AKAP8: variants seen among roughly 807,000 people sequenced by gnomAD.
AKAP8 encodes the protein A-kinase anchoring protein 8.
In AKAP8, 24 loss-of-function variants were observed where a neutral mutation model predicts 67.5. The observed-to-expected ratio is 0.36, with a 90% CI of 0.26 to 0.50. The LOEUF is 0.50. AKAP8 is among the 20% of genes least tolerant of loss of function. The pLI is 0.97. For synonymous variants in AKAP8, 400 were observed against 371.1 expected (o/e 1.08, Z -0.90); for missense variants, 971 against 955.9 (o/e 1.02, Z -0.21).
At chr19:15,368,121 A>G in intron 9 of AKAP8, 114 bp downstream of exon 9, 1 of 1,397,278 alleles carries the variant, frequency 7.2e-7, no homozygotes, top group South Asian at 1.3e-5. Context: ...TGGTTTGGCC[A>G]GAGGAGTCAG....
chr19:15,362,160 G>C lies in AKAP8; in HGVS notation c.1252C>G (p.Leu418Val), dbSNP rs753707156. 5.6e-6 allele frequency: 9 copies of C among 1,614,004 alleles called. No individual in the cohort carries two copies. The East Asian group carries it at 2.0e-4, about 36-fold the overall frequency. ...GGCAGCTTGGTGCTTATGAACCGCA[G>C]GGTCTCTTTGTGAAATTTGCTTTGC... Reference protein sequence around the residue: ...HLQSKFHKETLRFISTKLPDK... With the variant: ...HLQSKFHKETVRFISTKLPDK... The change falls in exon 10 of 14, where the codon CTG becomes GTG. Residue 418 changes from leucine to valine, a missense_variant. Physicochemically the swap from Leu to Val is conservative, Grantham distance 32. Around this residue, in one of 3 missense-constraint regions of AKAP8, gnomAD observed 763 missense variants for 745.4 expected, o/e 1.02. Coordinates refer to ENST00000269701, the MANE Select transcript of AKAP8 (RefSeq NM_005858.4).
At chr19:15,368,358 G>T (rs753186803) in intron 8 of AKAP8, 36 bp from the exon 9 acceptor site, 1 of 1,612,346 alleles carries the variant, frequency 6.2e-7, no homozygotes, top group Non-Finnish European at 8.5e-7. Context: ...CGCTCTGAGT[G>T]GCCTGCAAAG....
At chr19:15,373,461 C>T (rs2145084136) in intron 4 of AKAP8, 121 bp from the exon 5 acceptor site, 2 of 1,422,508 alleles carry the variant, frequency 1.4e-6, no homozygotes, top group East Asian at 2.5e-5. Context: ...TGCATCCCAC[C>T]TAAGTGCTGG....
intron 9 of AKAP8, among the ~76,000 whole-genome samples, chr19:15,362,529 C>T (rs1199207764): frequency 5.9e-5 from 9 of 152,056 alleles, no homozygotes; most frequent in African/African-American, 1.7e-4. Context: ...GACTGGTTTT[C>T]GTATTTTTTT....
In AKAP8 at chr19:15,354,596, C is replaced by A; in HGVS notation, c.*319G>T. ...AAAAATAAAAAAGGAAGCATTCCATCAGTGGCTGTATTGAACAAGTAATGT... is the reference window on the plus strand; with the variant it reads ...AAAAATAAAAAAGGAAGCATTCCATAAGTGGCTGTATTGAACAAGTAATGT... On this transcript the variant is annotated 3_prime_UTR_variant, in exon 14 of 14. Coordinates refer to ENST00000269701, the MANE Select transcript of AKAP8 (RefSeq NM_005858.4). The A allele has an allele frequency of 3.3e-6, 1 of 306,978 alleles. No homozygotes were observed. The highest frequency in any genetic ancestry group is 6.0e-6 in the Non-Finnish European group (1 of 166,294). 19.0% of individuals were successfully genotyped at this position (306,978 alleles called of 1,614,324 possible).
rs1026858514 is a variant in AKAP8, at chr19:15,379,778, G to A, written c.-47C>T. 31 of 1,609,002 alleles carry A rather than the reference G, an allele frequency of 1.9e-5. No homozygotes were observed. The highest frequency in any genetic ancestry group is 2.6e-5 in the Non-Finnish European group (31 of 1,178,286). On this transcript the variant is annotated 5_prime_UTR_variant, in exon 1 of 14. Transcript: ENST00000269701. ...CAGCCCCGTTTACTAGGCGACCACA[G>A]CACGCATGCGTTCAGCGCACCTCCG...
intron 9 of AKAP8, among the ~76,000 whole-genome samples, chr19:15,363,232 G>T (rs1227157249): frequency 1.3e-5 from 2 of 150,550 alleles, no homozygotes; most frequent in African/African-American, 2.4e-5. Flanking sequence ...GAGGTGGGGG[G>T]ATCAGCCCCC....
At chr19:15,356,233 T>TCTTTTCTTTTTTTGAGACGG (rs2048277518) in intron 13 of AKAP8, among the ~76,000 whole-genome samples, 1 of 150,226 alleles carries the variant, frequency 6.7e-6, no homozygotes, top group South Asian at 2.1e-4. Context: ...ACCCCATCTC[T>TCTTTTCTTTTTTTGAGACGG]ACTAAAAATA....
intron 13 of AKAP8, among the ~76,000 whole-genome samples, 191 bp from the exon 14 acceptor site, chr19:15,355,561 AT>A (rs34848051): frequency 0.59 from 86,645 of 147,218 alleles, 25,441 homozygotes; most frequent in East Asian, 0.86. Context: ...ATATTCTGCA[AT>A]TTTTTTTTTT....
Position 15,379,783 on chromosome 19 carries a change from C to G in AKAP8, c.-52G>C, listed in dbSNP as rs370823822. On this transcript the variant is annotated 5_prime_UTR_variant, in exon 1 of 14. An upstream start codon of the reference 5' UTR is lost. Coordinates refer to ENST00000269701, the MANE Select transcript of AKAP8 (RefSeq NM_005858.4). ...CCGTTTACTAGGCGACCACAGCACGCATGCGTTCAGCGCACCTCCGCCATC... is the reference window on the plus strand; with the variant it reads ...CCGTTTACTAGGCGACCACAGCACGGATGCGTTCAGCGCACCTCCGCCATC... 2 of 1,608,510 alleles carry G rather than the reference C, an allele frequency of 1.2e-6. No individual in the cohort carries two copies. Among genetic ancestry groups the G allele is most frequent in the Non-Finnish European group, 8.5e-7 (1 of 1,178,236 alleles).
At chr19:15,359,492 T>A (rs535882812) in intron 12 of AKAP8, among the ~76,000 whole-genome samples, 1 of 151,904 alleles carries the variant, frequency 6.6e-6, no homozygotes, top group East Asian at 2.0e-4. Context: ...GGCTGAGGCA[T>A]GTGGATCACT....
In AKAP8 at chr19:15,354,757, G is replaced by A. The variant is rs757665293; in HGVS notation, c.*158C>T. On this transcript the variant is annotated 3_prime_UTR_variant, in exon 14 of 14. Transcript: ENST00000269701. ...GCCACACGACTGCATGAGACAAGCC[G>A]TGAGAGGCACTGCTCAGGAGGAAAC... 1.9e-5 allele frequency: 15 copies of A among 786,176 alleles called. No individual in the cohort carries two copies. Among genetic ancestry groups the A allele is most frequent in the South Asian group, 1.1e-4 (6 of 55,626 alleles). The allele number at this position is 786,176 out of a possible 1,614,324, so 48.7% of individuals were successfully genotyped here. A position where few individuals can be genotyped will look rare whatever the true frequency, so the allele number is the denominator to read the frequency against.
chr19:15,359,282 AC>A (rs1354815487), intron 12 of AKAP8, among the ~76,000 whole-genome samples: 19 of 152,246 alleles, frequency 1.2e-4, no homozygotes, highest in Admixed American at 1.2e-3. Flanking sequence ...AAGATGCACC[AC>A]TGATACCCAT....
chr19:15,367,790 G>T (rs1967093332), intron 9 of AKAP8, among the ~76,000 whole-genome samples: 1 of 152,212 alleles, frequency 6.6e-6, no homozygotes, highest in South Asian at 2.1e-4. Flanking sequence ...TCCAGGGGTG[G>T]TCTGGATTTG....
At position 15,372,224 on chromosome 19, in the gene AKAP8, C is replaced by G. The variant is rs201405913; in HGVS notation, c.985G>C (p.Glu329Gln). ...CCTGGCCCCCAGGACATACCATTTT[C>G]GGAGAAATCTCCTTCACTGTCAACC... ...ARVDSEGDFS[E>Q]NDDAAGDFRS... The change falls in exon 6 of 14, where the codon GAA becomes CAA. Residue 329 changes from glutamate (E) to glutamine (Q), a missense_variant. Around this residue, in one of 3 missense-constraint regions of AKAP8, gnomAD observed 763 missense variants for 745.4 expected, o/e 1.02. Transcript: ENST00000269701. 6.2e-7 allele frequency: 1 copy of G among 1,614,192 alleles called. No homozygotes were observed. Among genetic ancestry groups the G allele is most frequent in the East Asian group, 2.2e-5 (1 of 44,884 alleles).
chr19:15,371,392 G>C (rs1967155175), intron 7 of AKAP8, among the ~76,000 whole-genome samples: 11 of 152,314 alleles, frequency 7.2e-5, no homozygotes, highest in Admixed American at 3.3e-4. Context: ...CCTGTGCTTG[G>C]AGGCTTCAGC....
chr19:15,378,518 G>T (rs1967298021), intron 1 of AKAP8, among the ~76,000 whole-genome samples: 1 of 152,172 alleles, frequency 6.6e-6, no homozygotes, highest in Non-Finnish European at 1.5e-5. Context: ...GGAAAGAAGG[G>T]AAAGAATGGT....
chr19:15,373,326 T>C lies in AKAP8; in HGVS notation c.386A>G (p.Gln129Arg). 2 of 1,608,740 alleles carry C rather than the reference T, an allele frequency of 1.2e-6. No individual in the cohort carries two copies. The highest frequency in any genetic ancestry group is 2.2e-5 in the South Asian group (2 of 90,516). Residue 129 changes from glutamine (Q) to arginine (R), a missense_variant, in exon 5 of 14, where the codon CAG becomes CGG. By Grantham distance (43) the Gln-to-Arg change is conservative. Coordinates refer to ENST00000269701, the MANE Select transcript of AKAP8 (RefSeq NM_005858.4). ...IQDRESSFRF[Q>R]PFESYDSRPC... The stretch of plus-strand genomic sequence containing the variant: ...CCTGGAGTCATAGGACTCGAACGGC[T>C]GGAAGCGGAAGGAGCTGCAACAGAA...
At chr19:15,375,642 GTT>G (rs58762120) in intron 2 of AKAP8, among the ~76,000 whole-genome samples, 1 of 142,466 alleles carries the variant, frequency 7.0e-6, no homozygotes. Flanking sequence ...TTTTTTTTTT[GTT>G]TTTTTTTTTT....
Sources: gnomAD v4.1 joint callset for allele counts (sites outside exome capture counted in the v4.1 genomes callset) on GRCh38, gnomAD v4.1.1 for gene constraint, gnomAD v4.1.1 regional missense constraint, MANE v1.5 for transcripts, NCBI Gene and HGNC (gene_info 2026-07-23, HGNC 2026-07-21) for gene names.